EFNA5: variants seen among roughly 807,000 people sequenced by gnomAD.
The protein encoded by EFNA5 is ephrin-A5.
A neutral mutation model predicts 22.9 loss-of-function variants in EFNA5; 5 were observed. The ratio of observed to expected loss-of-function variants is 0.22; its 90% CI spans 0.11 to 0.46. The LOEUF is 0.46. EFNA5 is among the 20% of genes least tolerant of loss of function. EFNA5 has a pLI of 0.99. For synonymous variants in EFNA5, 113 were observed against 112.2 expected (o/e 1.01, Z -0.04); for missense variants, 237 against 293.3 (o/e 0.81, Z 1.40).
intron 1 of EFNA5, among the ~76,000 whole-genome samples, chr5:107,614,972 A>G (rs1749884373): frequency 6.6e-6 from 1 of 152,066 alleles, no homozygotes; most frequent in African/African-American, 2.4e-5. Flanking sequence ...ATCTTGTTCT[A>G]TTTTAAACAA....
At chr5:107,572,370 TGTCC>T (rs1748832767) in intron 1 of EFNA5, among the ~76,000 whole-genome samples, 1 of 152,122 alleles carries the variant, frequency 6.6e-6, no homozygotes, top group Non-Finnish European at 1.5e-5. Context: ...CCACAATCTT[TGTCC>T]AGTCACGGTT....
At chr5:107,460,307 A>G (rs548822179) in intron 1 of EFNA5, among the ~76,000 whole-genome samples, 5 of 152,310 alleles carry the variant, frequency 3.3e-5, no homozygotes, top group African/African-American at 1.2e-4. Context: ...ATCTAGCACC[A>G]TGGAGCAAAG....
At chr5:107,527,347 C>T (rs1580513042) in intron 1 of EFNA5, among the ~76,000 whole-genome samples, 1 of 149,562 alleles carries the variant, frequency 6.7e-6, no homozygotes, top group South Asian at 2.1e-4. Context: ...AATACAGTGG[C>T]GCAATCTCGG....
At chr5:107,533,810 T>C (rs1312540333) in intron 1 of EFNA5, among the ~76,000 whole-genome samples, 1 of 152,226 alleles carries the variant, frequency 6.6e-6, no homozygotes, top group Non-Finnish European at 1.5e-5. Context: ...GCTAGACGGC[T>C]TCTTTATCCT....
intron 1 of EFNA5, among the ~76,000 whole-genome samples, chr5:107,633,848 A>G (rs1441213938): frequency 6.6e-6 from 1 of 152,202 alleles, no homozygotes; most frequent in East Asian, 1.9e-4. Context: ...CACAGGCCAC[A>G]GATCCAAAGA....
intron 1 of EFNA5, among the ~76,000 whole-genome samples, chr5:107,537,535 G>A (rs1162064431): frequency 2.6e-5 from 4 of 152,196 alleles, no homozygotes. Context: ...GGAGCCAGGA[G>A]TTGCAGTGAG....
rs10035579 is a variant in EFNA5 at position 107,657,089 on chromosome 5, A to G, written c.125+13400T>C. 8.0e-3 allele frequency among the ~76,000 whole-genome samples: 1,219 copies of G among 152,286 alleles called. 25 individuals carry two copies. The highest frequency in any genetic ancestry group is 0.027 in the African/African-American group (1,118 of 41,580). Reference sequence around the variant, plus strand: ...TTAGTATATGGAAGAACTTGGTTACAACCTATTAATATGATGACAAGTCAC... The same window carrying G: ...TTAGTATATGGAAGAACTTGGTTACGACCTATTAATATGATGACAAGTCAC... On this transcript the variant is annotated intron_variant, in intron 1 of 4. Coordinates refer to ENST00000333274, the MANE Select transcript of EFNA5 (RefSeq NM_001962.3).
chr5:107,424,835 T>C lies in EFNA5; in HGVS notation c.418+2382A>G, dbSNP rs534236690. ...CCATGTTAGCTCTGCTGCTCCTGAC[T>C]GCAGTGGTGGAAGAGAAGAAACCCT... is the stretch of plus-strand genomic sequence containing the variant. On this transcript the variant is annotated intron_variant, in intron 2 of 4. Coordinates refer to ENST00000333274, the MANE Select transcript of EFNA5 (RefSeq NM_001962.3). Among the ~76,000 whole-genome samples, 264 of 152,264 alleles carry C rather than the reference T, an allele frequency of 1.7e-3. 1 individual carries two copies. Among genetic ancestry groups the C allele is most frequent in the Non-Finnish European group, 3.1e-3 (214 of 68,010 alleles).
intron 1 of EFNA5, among the ~76,000 whole-genome samples, chr5:107,431,424 A>G (rs1370501971): frequency 4.6e-5 from 7 of 152,248 alleles, no homozygotes; most frequent in Non-Finnish European, 1.0e-4. Flanking sequence ...GAAGGAGCAC[A>G]TAAGTATGGC....
chr5:107,552,818 G>A (rs574159763), intron 1 of EFNA5, among the ~76,000 whole-genome samples: 1 of 152,304 alleles, frequency 6.6e-6, no homozygotes, highest in Admixed American at 6.5e-5. Flanking sequence ...CAGTGAAGTG[G>A]AAAAGACTAG....
intron 1 of EFNA5, among the ~76,000 whole-genome samples, chr5:107,481,072 A>C (rs1445345770): frequency 6.6e-6 from 1 of 152,228 alleles, no homozygotes; most frequent in African/African-American, 2.4e-5. Flanking sequence ...ATCCAGAGGT[A>C]CAAGAGTGAA....
intron 2 of EFNA5, among the ~76,000 whole-genome samples, chr5:107,404,744 AC>A (rs1210951225): frequency 1.3e-5 from 2 of 152,148 alleles, no homozygotes; most frequent in African/African-American, 4.8e-5. Flanking sequence ...CTTCCTGACT[AC>A]CCTACTTCAA....
At chr5:107,465,821 A>G (rs1482430322) in intron 1 of EFNA5, among the ~76,000 whole-genome samples, 1 of 151,918 alleles carries the variant, frequency 6.6e-6, no homozygotes, top group African/African-American at 2.4e-5. Context: ...TACACACACA[A>G]TCCAAGCAGG....
chr5:107,378,541 A>C lies in EFNA5; in HGVS notation c.*2714T>G, dbSNP rs1257742543. The C allele has an allele frequency of 6.6e-6, 1 of 152,204 alleles. No individual in the cohort carries two copies. Among genetic ancestry groups the C allele is most frequent in the African/African-American group, 2.4e-5 (1 of 41,458 alleles). The allele number at this position is 152,204 out of a possible 1,614,324, so 9.4% of individuals were successfully genotyped here. ...AAAGGCCACCAACACTTTTTAAACA[A>C]AGTGAAAACTGTCTGACACCAATCA... On this transcript the variant is annotated 3_prime_UTR_variant, in exon 5 of 5. Transcript: ENST00000333274.
chr5:107,519,420 C>T (rs1290402571), intron 1 of EFNA5, among the ~76,000 whole-genome samples: 1 of 152,208 alleles, frequency 6.6e-6, no homozygotes, highest in Admixed American at 6.5e-5. Context: ...CTTGTCTTGA[C>T]AAGGTCACAC....
chr5:107,474,576 C>G (rs759335191), intron 1 of EFNA5, among the ~76,000 whole-genome samples: 1 of 152,004 alleles, frequency 6.6e-6, no homozygotes. Context: ...CTTTGCATTA[C>G]GAACGAGGAA....
chr5:107,433,564 C>T (rs1296696803), intron 1 of EFNA5, among the ~76,000 whole-genome samples: 1 of 152,088 alleles, frequency 6.6e-6, no homozygotes, highest in Non-Finnish European at 1.5e-5. Context: ...CCATTATATG[C>T]TGAATAAATT....
intron 1 of EFNA5, among the ~76,000 whole-genome samples, chr5:107,430,015 A>G (rs2112423988): frequency 6.6e-6 from 1 of 152,348 alleles, no homozygotes; most frequent in Non-Finnish European, 1.5e-5. Context: ...AATTCTCAGA[A>G]TATTCACTTT....
chr5:107,392,991 G>T (rs950720830), intron 2 of EFNA5, among the ~76,000 whole-genome samples: 1 of 152,096 alleles, frequency 6.6e-6, no homozygotes, highest in South Asian at 2.1e-4. Context: ...ATTTTCCTTC[G>T]CATACAACTT....
Sources: allele counts gnomAD v4.1 joint callset (sites outside exome capture counted in the v4.1 genomes callset), GRCh38; gene constraint gnomAD v4.1.1; transcripts MANE v1.5; gene names NCBI Gene and HGNC (gene_info 2026-07-23, HGNC 2026-07-21).